MTUS2: variants seen among roughly 807,000 people sequenced by gnomAD.
The protein encoded by MTUS2 is microtubule associated scaffold protein 2.
A neutral mutation model predicts 114.1 loss-of-function variants in MTUS2; 40 were observed. The ratio of observed to expected loss-of-function variants is 0.35; its 90% CI spans 0.27 to 0.46. The LOEUF (loss-of-function observed/expected upper bound fraction) is 0.46, where lower values mean the gene tolerates loss of function less well. Among genes scored for constraint, MTUS2 ranks in the 20% least tolerant of loss-of-function variants. The pLI is 1.00. For synonymous variants in MTUS2, 688 were observed against 672.0 expected, an observed-to-expected ratio of 1.02 and a Z score of -0.37; for missense variants, 1,679 against 1,705.4, an observed-to-expected ratio of 0.98 and a Z score of 0.27.
At chr13:29,165,490 T>C (rs996337651) in intron 5 of MTUS2, among the ~76,000 whole-genome samples, 4 of 152,246 alleles carry the variant, frequency 2.6e-5, no homozygotes, top group Non-Finnish European at 1.5e-5. Flanking sequence ...CCAGTTTTGC[T>C]TATCATGATA....
At chr13:29,176,201 CT>C in intron 5 of MTUS2, among the ~76,000 whole-genome samples, 1 of 152,262 alleles carries the variant, frequency 6.6e-6, no homozygotes, top group African/African-American at 2.4e-5. Context: ...AGATTTCAGA[CT>C]CCCTGACTGT....
intron 9 of MTUS2, among the ~76,000 whole-genome samples, chr13:29,462,645 G>A (rs998966847): frequency 3.3e-5 from 5 of 152,086 alleles, no homozygotes; most frequent in Admixed American, 6.6e-5. Context: ...GGAGACCTGC[G>A]TTTGTTTTGT....
At chr13:28,882,818 A>G (rs1312330028) in intron 2 of MTUS2, among the ~76,000 whole-genome samples, 1 of 152,220 alleles carries the variant, frequency 6.6e-6, no homozygotes, top group African/African-American at 2.4e-5. Flanking sequence ...AAGGCAAGCC[A>G]CAGTTAGAAA....
intron 6 of MTUS2, among the ~76,000 whole-genome samples, chr13:29,286,392 G>T (rs561561795): frequency 1.3e-5 from 2 of 152,166 alleles, no homozygotes; most frequent in African/African-American, 2.4e-5. Flanking sequence ...CTGGCCACAC[G>T]TAGCTCTTTG....
rs1341329801 is a variant in MTUS2 at position 29,273,646 on chromosome 13, A to T, written c.2645-8058A>T. Reference sequence around the variant, plus strand: ...AGGTTATGCAATATCACCCCTATTTAATTCGAGAACATATTTAATCACCCC... The same window carrying T: ...AGGTTATGCAATATCACCCCTATTTTATTCGAGAACATATTTAATCACCCC... On this transcript the variant is annotated intron_variant, in intron 5 of 15. Coordinates refer to ENST00000612955, the MANE Select transcript of MTUS2 (RefSeq NM_001033602.4). 2.0e-5 allele frequency among the ~76,000 whole-genome samples: 3 copies of T among 152,308 alleles called. No homozygotes were observed. The East Asian group carries it at 5.8e-4, about 29-fold the overall frequency.
At chr13:29,017,010 A>G (rs1319107278) in intron 2 of MTUS2, among the ~76,000 whole-genome samples, 2 of 152,244 alleles carry the variant, frequency 1.3e-5, no homozygotes, top group Non-Finnish European at 2.9e-5. Flanking sequence ...AAATAAGACC[A>G]AGAACCTGAA....
intron 2 of MTUS2, among the ~76,000 whole-genome samples, chr13:28,921,500 G>A (rs554457473): frequency 3.3e-5 from 5 of 152,138 alleles, no homozygotes; most frequent in Admixed American, 6.5e-5. Context: ...GTTGAGGGAG[G>A]GGTGGTGCAA....
At chr13:28,983,345 A>G (rs1225003816) in intron 2 of MTUS2, among the ~76,000 whole-genome samples, 3 of 152,232 alleles carry the variant, frequency 2.0e-5, no homozygotes, top group Non-Finnish European at 2.9e-5. Context: ...TGTCCAGGAC[A>G]GTGGCCAGAA....
chr13:29,375,981 C>G (rs975850779), intron 8 of MTUS2, among the ~76,000 whole-genome samples: 1 of 150,794 alleles, frequency 6.6e-6, no homozygotes, highest in Non-Finnish European at 1.5e-5. Context: ...TAATACCCCA[C>G]AAGCTATTTA....
intron 2 of MTUS2, among the ~76,000 whole-genome samples, chr13:29,001,908 C>CA (rs1885401489): frequency 6.6e-6 from 1 of 152,124 alleles, no homozygotes; most frequent in South Asian, 2.1e-4. Flanking sequence ...GAAGGGGCTA[C>CA]AGCTAAGCAT....
At chr13:28,961,480 A>G (rs970875266) in intron 2 of MTUS2, among the ~76,000 whole-genome samples, 3 of 152,152 alleles carry the variant, frequency 2.0e-5, no homozygotes, top group Admixed American at 6.5e-5. Context: ...AAACCTAGAC[A>G]CATTCTATTG....
chr13:28,827,625 T>C (rs1296015825), intron 1 of MTUS2, among the ~76,000 whole-genome samples: 1 of 152,152 alleles, frequency 6.6e-6, no homozygotes, highest in African/African-American at 2.4e-5. Context: ...TTGACGTGGG[T>C]CCTTTTCTAT....
chr13:29,025,063 A>T lies in MTUS2; in HGVS notation c.365A>T (p.Gln122Leu). 2 of 1,614,034 alleles carry T rather than the reference A, an allele frequency of 1.2e-6. No individual in the cohort carries two copies. Among genetic ancestry groups the T allele is most frequent in the Non-Finnish European group, 1.7e-6 (2 of 1,179,896 alleles). Residue 122 changes from glutamine (Q) to leucine (L), a missense_variant, in exon 3 of 16, where the codon CAG (glutamine) becomes CTG (leucine). Physicochemically the swap from Gln to Leu is moderately radical, Grantham distance 113 (BLOSUM62 -2). Coordinates refer to ENST00000612955, the MANE Select transcript of MTUS2 (RefSeq NM_001033602.4). ...GTGGAGAGAGGCACAGATAGCCTGC[A>T]GACCACGCGGAGTATTCAGGGACCA... ...HTVERGTDSLQTTRSIQGPSL... is the reference protein window; with the variant it reads ...HTVERGTDSLLTTRSIQGPSL...
chr13:29,446,856 T>C (rs1283000561), intron 9 of MTUS2, among the ~76,000 whole-genome samples: 1 of 151,108 alleles, frequency 6.6e-6, no homozygotes, highest in African/African-American at 2.5e-5. Context: ...TATCTAAGTG[T>C]ATATCAGGGT....
chr13:29,031,406 C>A (rs1440143262), intron 3 of MTUS2, among the ~76,000 whole-genome samples: 3 of 147,866 alleles, frequency 2.0e-5, no homozygotes, highest in South Asian at 4.5e-4. Flanking sequence ...CACATAATCT[C>A]TATATATATA....
Position 29,246,491 on chromosome 13 carries a change from G to A in MTUS2, c.2645-35213G>A, listed in dbSNP as rs548898436. Reference sequence around the variant, plus strand: ...AGCCTTTGTGAGGCTGTGCTCCCAAGCAGTTAGTGGGAATTTTGTGTGCTT... The same window carrying A: ...AGCCTTTGTGAGGCTGTGCTCCCAAACAGTTAGTGGGAATTTTGTGTGCTT... On this transcript the variant is annotated intron_variant, in intron 5 of 15. Transcript: ENST00000612955. Among the ~76,000 whole-genome samples, 8 of 152,306 alleles carry A rather than the reference G, an allele frequency of 5.3e-5. No homozygotes were observed. The East Asian group carries it at 1.5e-3, about 29-fold the overall frequency.
chr13:29,139,105 A>G (rs547698327), intron 5 of MTUS2, among the ~76,000 whole-genome samples: 7 of 149,950 alleles, frequency 4.7e-5, no homozygotes, highest in Non-Finnish European at 1.0e-4. Flanking sequence ...TATGCTAGGT[A>G]CTTTGCATGT....
At chr13:29,145,426 A>C (rs1892392499) in intron 5 of MTUS2, among the ~76,000 whole-genome samples, 1 of 152,168 alleles carries the variant, frequency 6.6e-6, no homozygotes. Context: ...AGGTTGAGGC[A>C]GGAGAATTGC....
At chr13:29,136,144 G>A (rs916674781) in intron 5 of MTUS2, among the ~76,000 whole-genome samples, 1 of 152,156 alleles carries the variant, frequency 6.6e-6, no homozygotes, top group Non-Finnish European at 1.5e-5. Context: ...ACTGTCTAAT[G>A]TCCTTTCGTT....
Sources: gnomAD v4.1 joint callset for allele counts (sites outside exome capture counted in the v4.1 genomes callset) on GRCh38, gnomAD v4.1.1 for gene constraint, MANE v1.5 for transcripts, NCBI Gene and HGNC (gene_info 2026-07-23, HGNC 2026-07-21) for gene names.